The following SRGAP3 variants were observed in gnomAD, a reference collection of about 807,000 sequenced individuals.
The protein encoded by SRGAP3 is SLIT-ROBO Rho GTPase activating protein 3, also known as SLIT-ROBO Rho GTPase-activating protein 3.
SRGAP3 carries 39 observed loss-of-function variants against 121.1 expected under a neutral mutation model. The ratio of observed to expected loss-of-function variants is 0.32; its 90% confidence interval spans 0.25 to 0.42. SRGAP3 has a LOEUF of 0.42. SRGAP3 is among the 10% of genes least tolerant of loss of function. The pLI is 1.00. For missense variants in SRGAP3, 1,213 were observed against 1,470.6 expected (o/e 0.82, Z 2.86); for synonymous variants, 601 against 570.0 (o/e 1.05, Z -0.77).
At chr3:9,189,440 A>T (rs1951690396) in intron 1 of SRGAP3, among the ~76,000 whole-genome samples, 1 of 152,186 alleles carries the variant, frequency 6.6e-6, no homozygotes, top group Non-Finnish European at 1.5e-5. Context: ...TGGGAAGGGG[A>T]TGAAGTATCT....
At chr3:9,213,769 A>G (rs1952525676) in intron 1 of SRGAP3, among the ~76,000 whole-genome samples, 1 of 152,172 alleles carries the variant, frequency 6.6e-6, no homozygotes, top group Admixed American at 6.5e-5. Flanking sequence ...TTCTTGTGAC[A>G]TTCTCTGCCT....
intron 3 of SRGAP3, among the ~76,000 whole-genome samples, chr3:9,324,970 T>A (rs1413369135): frequency 6.0e-5 from 9 of 150,990 alleles, no homozygotes; most frequent in African/African-American, 2.0e-4. Flanking sequence ...AAAAAAAAAA[T>A]TCCCCCTTTT....
At chr3:9,247,494 C>A (rs1041408034) in intron 1 of SRGAP3, among the ~76,000 whole-genome samples, 2 of 152,142 alleles carry the variant, frequency 1.3e-5, no homozygotes, top group African/African-American at 2.4e-5. Flanking sequence ...GATCCCTCCC[C>A]CCGTGGCTGC....
chr3:9,153,325 A>T (rs1950276408), intron 1 of SRGAP3, among the ~76,000 whole-genome samples: 1 of 152,232 alleles, frequency 6.6e-6, no homozygotes, highest in Non-Finnish European at 1.5e-5. Flanking sequence ...CTAGCATTTT[A>T]CAAGGATCAT....
At chr3:9,347,590 CTT>C (rs1481246315) in intron 1 of SRGAP3, among the ~76,000 whole-genome samples, 3 of 152,160 alleles carry the variant, frequency 2.0e-5, no homozygotes, top group East Asian at 3.9e-4. Flanking sequence ...GATTCATACT[CTT>C]TATTAGAATA....
chr3:9,069,588 C>A (rs1043454690), intron 4 of SRGAP3, among the ~76,000 whole-genome samples: 3 of 152,200 alleles, frequency 2.0e-5, no homozygotes, highest in Admixed American at 2.0e-4. Context: ...CATGTGTTCT[C>A]AGAATAAAAG....
At chr3:9,354,709 C>T (rs542186627) in intron 1 of SRGAP3, among the ~76,000 whole-genome samples, 1 of 149,126 alleles carries the variant, frequency 6.7e-6, no homozygotes, top group East Asian at 2.0e-4. Flanking sequence ...AAAGAATAGG[C>T]AAGGATAGGA....
chr3:9,271,954 T>C (rs1954485527), intron 3 of SRGAP3, among the ~76,000 whole-genome samples: 1 of 152,244 alleles, frequency 6.6e-6, no homozygotes, highest in African/African-American at 2.4e-5. Context: ...CGTTCTGGAA[T>C]ATGGCTATCT....
At chr3:9,002,575 G>A (rs940910926) in intron 18 of SRGAP3, among the ~76,000 whole-genome samples, 4 of 151,776 alleles carry the variant, frequency 2.6e-5, no homozygotes, top group African/African-American at 9.7e-5. Context: ...GCAGAAGGAA[G>A]GAAATAATAA....
intron 1 of SRGAP3, among the ~76,000 whole-genome samples, chr3:9,140,447 C>G (rs1393907205): frequency 6.6e-6 from 1 of 152,052 alleles, no homozygotes; most frequent in Non-Finnish European, 1.5e-5. Context: ...GAATATACAC[C>G]AAAATGTTAA....
At chr3:9,059,127 G>T (rs1218066701) in intron 6 of SRGAP3, 1 of 153,264 alleles carries the variant, frequency 6.5e-6, no homozygotes, top group African/African-American at 2.4e-5. Flanking sequence ...CCCACTCAGA[G>T]CTGGTCAGGT....
At chr3:9,166,459 C>A (rs772763672) in intron 1 of SRGAP3, among the ~76,000 whole-genome samples, 1 of 152,166 alleles carries the variant, frequency 6.6e-6, no homozygotes, top group Non-Finnish European at 1.5e-5. Flanking sequence ...GCTTCCCTTG[C>A]AACTAAGGAT....
chr3:9,004,458 C>A (rs948936682), intron 18 of SRGAP3, among the ~76,000 whole-genome samples: 4 of 152,092 alleles, frequency 2.6e-5, no homozygotes, highest in Non-Finnish European at 4.4e-5. Flanking sequence ...CCCAGAATAG[C>A]CAAAACAATC....
intron 18 of SRGAP3, among the ~76,000 whole-genome samples, chr3:9,009,048 T>A (rs1943227838): frequency 6.6e-6 from 1 of 152,200 alleles, no homozygotes; most frequent in African/African-American, 2.4e-5. Context: ...TCACCCTTGC[T>A]CCTGGATCCA....
intron 20 of SRGAP3, among the ~76,000 whole-genome samples, chr3:8,991,858 A>G (rs1942072605): frequency 6.6e-6 from 1 of 152,338 alleles, no homozygotes; most frequent in Non-Finnish European, 1.5e-5. Flanking sequence ...GGACCAAAGC[A>G]TAGGTATTGG....
intron 18 of SRGAP3, chr3:9,008,324 C>G (rs574706825): frequency 1.3e-5 from 2 of 152,418 alleles, no homozygotes; most frequent in East Asian, 3.9e-4. Context: ...TCCAGAGAAG[C>G]CTTCTGCCCA....
intron 3 of SRGAP3, among the ~76,000 whole-genome samples, chr3:9,272,107 C>A (rs1378675186): frequency 1.3e-5 from 2 of 152,242 alleles, no homozygotes; most frequent in Non-Finnish European, 2.9e-5. Flanking sequence ...CTTTACTGGG[C>A]AGCTAGGACC....
intron 1 of SRGAP3, among the ~76,000 whole-genome samples, chr3:9,345,980 C>A (rs1955884030): frequency 6.6e-6 from 1 of 152,032 alleles, no homozygotes; most frequent in Admixed American, 6.6e-5. Context: ...AAATGCCAGC[C>A]CAAGGACTTT....
intron 1 of SRGAP3, among the ~76,000 whole-genome samples, chr3:9,354,700 A>G (rs1017338715): frequency 6.6e-5 from 10 of 151,820 alleles, no homozygotes; most frequent in African/African-American, 2.2e-4. Flanking sequence ...AAAAAAAAAA[A>G]AGAATAGGCA....
Sources: gnomAD v4.1 joint callset for allele counts (sites outside exome capture counted in the v4.1 genomes callset) on GRCh38, gnomAD v4.1.1 for gene constraint, MANE v1.5 for transcripts, NCBI Gene and HGNC (gene_info 2026-07-23, HGNC 2026-07-21) for gene names.